VPS53: variants seen among roughly 807,000 people sequenced by gnomAD.
VPS53 encodes the protein vacuolar protein sorting-associated protein 53 homolog.
VPS53 carries 70 observed loss-of-function variants against 107.0 expected under a neutral mutation model. The observed-to-expected ratio is 0.65, with a 90% CI of 0.54 to 0.80. The LOEUF is 0.80. Ranked by LOEUF, VPS53 falls within the 30% of genes least tolerant of loss-of-function variation. The pLI is 0.00. For missense variants in VPS53, 917 were observed against 1,049.4 expected, an observed-to-expected ratio of 0.87 and a Z score of 1.74; for synonymous variants, 409 against 393.3, an observed-to-expected ratio of 1.04 and a Z score of -0.47.
chr17:698,808 C>T (rs1436599398), intron 3 of VPS53, among the ~76,000 whole-genome samples: 2 of 152,098 alleles, frequency 1.3e-5, no homozygotes, highest in South Asian at 2.1e-4. Context: ...AGCTTCCTTC[C>T]TTTTGTATGA....
At chr17:580,634 G>A (rs907689666) in intron 13 of VPS53, among the ~76,000 whole-genome samples, 10 of 148,938 alleles carry the variant, frequency 6.7e-5, no homozygotes, top group Admixed American at 3.3e-4. Context: ...TGTTCCCAGA[G>A]AACCTCCCTC....
At chr17:676,183 T>A (rs1224250560) in intron 4 of VPS53, 2 of 152,154 alleles carry the variant, frequency 1.3e-5, no homozygotes, top group Non-Finnish European at 2.9e-5. Context: ...GACTTACACA[T>A]GGAAATGGTG....
intron 4 of VPS53, among the ~76,000 whole-genome samples, chr17:687,639 G>A (rs1437154262): frequency 1.3e-5 from 2 of 151,880 alleles, no homozygotes; most frequent in Non-Finnish European, 2.9e-5. Context: ...TCGGGACGCT[G>A]AAGTGAGAGG....
chr17:703,891 C>T (rs1466832763), intron 2 of VPS53, among the ~76,000 whole-genome samples: 12 of 151,944 alleles, frequency 7.9e-5, no homozygotes, highest in South Asian at 2.1e-4. Flanking sequence ...ACTTCCACCT[C>T]CCAGGCTCAA....
Position 697,635 on chromosome 17 carries a change from G to A in VPS53, c.219-151C>T, listed in dbSNP as rs557761378. On this transcript the variant is annotated intron_variant, in intron 3 of 21. Coordinates refer to ENST00000437048, the MANE Select transcript of VPS53 (RefSeq NM_001128159.3). ...AAACATGTGTGAGTGGCATCAGGCA[G>A]GAGGAGGGCAGCGACAGCCGTGCGG... is the stretch of plus-strand genomic sequence containing the variant. 9.1e-6 allele frequency: 6 copies of A among 659,420 alleles called. No individual in the cohort carries two copies. The South Asian group carries it at 1.1e-4, about 12-fold the overall frequency. 40.8% of individuals were successfully genotyped at this position (659,420 alleles called of 1,614,324 possible). A position where few individuals can be genotyped will look rare whatever the true frequency, so the allele number is the denominator to read the frequency against.
intron 11 of VPS53, among the ~76,000 whole-genome samples, chr17:610,940 G>GAA (rs200694690): frequency 2.1e-5 from 2 of 97,378 alleles, no homozygotes; most frequent in Admixed American, 1.0e-4. Context: ...TCTGTCTCAA[G>GAA]AAAAAAAAAA....
chr17:673,804 A>C (rs955160428), intron 4 of VPS53: 1 of 152,218 alleles, frequency 6.6e-6, no homozygotes, highest in Non-Finnish European at 1.5e-5. Context: ...TGTTTGTTAA[A>C]ATGTTCTGTT....
intron 17 of VPS53, among the ~76,000 whole-genome samples, chr17:550,792 G>A (rs1047280761): frequency 1.1e-4 from 17 of 151,644 alleles, no homozygotes; most frequent in Admixed American, 9.9e-4. Flanking sequence ...TCAAAAATAG[G>A]AAGATGAGGT....
chr17:641,012 G>A (rs141391194), intron 7 of VPS53, among the ~76,000 whole-genome samples: 2,392 of 152,124 alleles, frequency 0.016, 25 homozygotes, highest in Middle Eastern at 0.031. Flanking sequence ...CTGCCACCAC[G>A]CCTGGCTAAT....
intron 5 of VPS53, among the ~76,000 whole-genome samples, chr17:660,594 C>G (rs1385177290): frequency 6.6e-6 from 1 of 152,042 alleles, no homozygotes; most frequent in Non-Finnish European, 1.5e-5. Flanking sequence ...CTGATCTTCA[C>G]GCTTTGAGGG....
chr17:706,103 A>G (rs1344307230), intron 2 of VPS53: 1 of 152,212 alleles, frequency 6.6e-6, no homozygotes, highest in African/African-American at 2.4e-5. Flanking sequence ...ACTCTAAAAT[A>G]AGAAGGATAA....
Position 524,484 on chromosome 17 carries a change from A to C in VPS53, c.2086-2746T>G, listed in dbSNP as rs948899468. 3.3e-5 allele frequency among the ~76,000 whole-genome samples: 5 copies of C among 152,312 alleles called. No individual in the cohort carries two copies. Among genetic ancestry groups the C allele is most frequent in the Middle Eastern group, 3.4e-3 (1 of 294 alleles). ...AGATACGTGCAACGTTGACAAGGGA[A>C]CGGGGTTCCGAACATGAAGATTCCT... is the stretch of plus-strand genomic sequence containing the variant. On this transcript the variant is annotated intron_variant, in intron 19 of 21. Transcript: ENST00000437048. This position sits in a 1 kb window ranked among gnomAD's most constrained non-coding sequence, Gnocchi z 4.5.
intron 1 of VPS53, among the ~76,000 whole-genome samples, chr17:711,674 C>T (rs766208179): frequency 2.0e-5 from 3 of 152,068 alleles, no homozygotes; most frequent in Non-Finnish European, 4.4e-5. Flanking sequence ...GGTTTTAGTG[C>T]TGTCCTAGGT....
chr17:562,616 G>A lies in VPS53; in HGVS notation c.1443C>T (p.Cys481=), dbSNP rs747058919. Residue 481 remains cysteine (C), a synonymous_variant, in exon 14 of 22, where the codon TGC becomes TGT. Coordinates refer to ENST00000437048, the MANE Select transcript of VPS53 (RefSeq NM_001128159.3). ...CADLFVYYKK[C]MVQCSQLSTG... ...TACTGAGCTGAGAGCATTGCACCAT[G>A]CACTTCTTGTAGTAGACAAAGAGGT... 6.2e-7 allele frequency: 1 copy of A among 1,614,046 alleles called. No individual in the cohort carries two copies. The highest frequency in any genetic ancestry group is 1.7e-5 in the Admixed American group (1 of 59,988).
chr17:680,951 A>G (rs141625621), intron 4 of VPS53, among the ~76,000 whole-genome samples: 216 of 152,382 alleles, frequency 1.4e-3, no homozygotes, highest in African/African-American at 4.8e-3. Flanking sequence ...TATGTAGGTT[A>G]TATCTACTGA....
intron 17 of VPS53, chr17:540,620 A>G (rs1910559550): frequency 6.6e-6 from 1 of 152,192 alleles, no homozygotes; most frequent in Non-Finnish European, 1.5e-5. Context: ...TTTTCATTTG[A>G]CATTTAGAAG....
chr17:552,678 A>C (rs1911951222), intron 16 of VPS53: 2 of 162,460 alleles, frequency 1.2e-5, no homozygotes, highest in South Asian at 1.9e-4. Context: ...GCCAAGGGAG[A>C]ATGTCTTCTC....
chr17:656,520 G>C (rs1190181077), intron 5 of VPS53, among the ~76,000 whole-genome samples: 1 of 152,234 alleles, frequency 6.6e-6, no homozygotes, highest in Non-Finnish European at 1.5e-5. Context: ...AATTTGGGGA[G>C]TAAGAGCCTG....
At chr17:642,058 C>T (rs1484649183) in intron 7 of VPS53, among the ~76,000 whole-genome samples, 1 of 152,168 alleles carries the variant, frequency 6.6e-6, no homozygotes, top group East Asian at 1.9e-4. Context: ...GTTCAGATAT[C>T]TGTGGATAAA....
Sources: gnomAD v4.1 joint callset for allele counts (sites outside exome capture counted in the v4.1 genomes callset) on GRCh38, gnomAD v4.1.1 for gene constraint, Gnocchi (gnomAD v3.1) non-coding constraint, MANE v1.5 for transcripts, NCBI Gene and HGNC (gene_info 2026-07-23, HGNC 2026-07-21) for gene names.